HOXC10: variants seen among roughly 807,000 people sequenced by gnomAD.
The protein encoded by HOXC10 is homeobox C10, also known as homeobox protein Hox-C10.
A neutral mutation model predicts 26.0 loss-of-function variants in HOXC10; 15 were observed. The observed-to-expected ratio is 0.58, with a 90% CI of 0.39 to 0.89. The LOEUF is 0.89. Ranked by LOEUF, HOXC10 falls within the 40% of genes least tolerant of loss-of-function variation. The pLI is 0.00. For missense variants in HOXC10, 446 were observed against 451.9 expected (o/e 0.99, Z 0.12); for synonymous variants, 196 against 185.5 (o/e 1.06, Z -0.46).
chr12:53,985,929 A>G lies in HOXC10; in HGVS notation c.670A>G (p.Lys224Glu). The change falls in exon 1 of 2, where the codon AAA (lysine) becomes GAA (glutamate). Residue 224 changes from lysine to glutamate, a missense_variant. Lys to Glu is a moderately conservative substitution (Grantham distance 56). Coordinates refer to ENST00000303460, the MANE Select transcript of HOXC10 (RefSeq NM_017409.4). ...GACGGAGCAGAGCCTGGCGGGCCCT[A>G]AAGGGAGCCCCTCGGAGAGCGAAAA... ...IKTEQSLAGP[K>E]GSPSESEKER... 1.2e-6 allele frequency: 2 copies of G among 1,613,450 alleles called. No homozygotes were observed. The highest frequency in any genetic ancestry group is 2.7e-5 in the African/African-American group (2 of 75,028).
At position 53,985,246 on chromosome 12, in the gene HOXC10, C is replaced by A. The variant is rs769386459; in HGVS notation, c.-14C>A. 6.6e-7 allele frequency: 1 copy of A among 1,521,264 alleles called. No homozygotes were observed. The highest frequency in any genetic ancestry group is 8.8e-7 in the Non-Finnish European group (1 of 1,134,548). 94.2% of individuals were successfully genotyped at this position (1,521,264 alleles called of 1,614,324 possible). A position where few individuals can be genotyped will look rare whatever the true frequency, so the allele number is the denominator to read the frequency against. Reference sequence around the variant, plus strand: ...CGCTGTAGTATTGCTCCTTAAAAACCCCTCTCTCTGAAAATGACATGCCCT... The same window carrying A: ...CGCTGTAGTATTGCTCCTTAAAAACACCTCTCTCTGAAAATGACATGCCCT... On this transcript the variant is annotated 5_prime_UTR_variant, in exon 1 of 2. Coordinates refer to ENST00000303460, the MANE Select transcript of HOXC10 (RefSeq NM_017409.4).
Position 53,985,785 on chromosome 12 carries a change from C to G in HOXC10, c.526C>G (p.Gln176Glu). The G allele has an allele frequency of 1.2e-6, 2 of 1,613,750 alleles. No homozygotes were observed. The highest frequency in any genetic ancestry group is 1.7e-6 in the Non-Finnish European group (2 of 1,180,004). Reference sequence around the variant, plus strand: ...CAACGACTTCGAAGCCCCTTTCGAGCAGCGGGCCAGTCTCAACCCGCGCGC... The same window carrying G: ...CAACGACTTCGAAGCCCCTTTCGAGGAGCGGGCCAGTCTCAACCCGCGCGC... The part of the protein sequence containing the change: ...GANDFEAPFE[Q>E]RASLNPRAEH... Residue 176 changes from glutamine to glutamate, a missense_variant, in exon 1 of 2, where the codon CAG (glutamine) becomes GAG (glutamate). Transcript: ENST00000303460.
intron 1 of HOXC10, among the ~76,000 whole-genome samples, chr12:53,987,188 G>A: frequency 6.6e-6 from 1 of 152,210 alleles, no homozygotes; most frequent in Non-Finnish European, 1.5e-5. Flanking sequence ...GGATCTCCTG[G>A]TGCTTTGTAT....
rs1184740699 is a variant in HOXC10, at chr12:53,985,900, T to C, written c.641T>C (p.Ile214Thr). ...AGCCAGACCCCCAGCCCCAATGAAA[T>C]CAAGACGGAGCAGAGCCTGGCGGGC... ...SDSQTPSPNE[I>T]KTEQSLAGPK... Residue 214 changes from isoleucine (I) to threonine (T), a missense_variant, in exon 1 of 2, where the codon ATC becomes ACC. By Grantham distance (89) the Ile-to-Thr change is moderately conservative (BLOSUM62 -1). Coordinates refer to ENST00000303460, the MANE Select transcript of HOXC10 (RefSeq NM_017409.4). The C allele has an allele frequency of 6.2e-7, 1 of 1,613,588 alleles. No homozygotes were observed. The highest frequency in any genetic ancestry group is 8.5e-7 in the Non-Finnish European group (1 of 1,179,952).
intron 1 of HOXC10, chr12:53,986,227 C>G (rs990807597): frequency 3.5e-5 from 19 of 550,168 alleles, no homozygotes; most frequent in South Asian, 1.8e-4. Flanking sequence ...GGCCCTGCCC[C>G]GGCCATGGGT....
chr12:53,987,491 T>G (rs1939456635), intron 1 of HOXC10, among the ~76,000 whole-genome samples: 1 of 152,204 alleles, frequency 6.6e-6, no homozygotes. Context: ...TGTGAAGGTT[T>G]AATCTTATAC....
intron 1 of HOXC10, among the ~76,000 whole-genome samples, chr12:53,988,947 A>G (rs1484229814): frequency 1.3e-5 from 2 of 152,170 alleles, no homozygotes; most frequent in African/African-American, 4.8e-5. Context: ...AATTTAATAA[A>G]TGCTTGGAGG....
chr12:53,989,212 A>G lies in HOXC10; in HGVS notation c.795A>G (p.Ala265=), dbSNP rs1592202201. The G allele has an allele frequency of 6.2e-7, 1 of 1,611,094 alleles. No homozygotes were observed. Among genetic ancestry groups the G allele is most frequent in the Non-Finnish European group, 8.5e-7 (1 of 1,179,028 alleles). ...ACACCACAGGAAATTGGCTGACAGC[A>G]AAGAGCGGAAGGAAGAAGAGGTGCC... The part of the protein sequence containing the change: ...AENTTGNWLT[A]KSGRKKRCPY... Residue 265 remains alanine, a synonymous_variant, in exon 2 of 2, where the codon GCA becomes GCG. Transcript: ENST00000303460.
At chr12:53,987,546 A>G (rs1939457378) in intron 1 of HOXC10, among the ~76,000 whole-genome samples, 1 of 152,216 alleles carries the variant, frequency 6.6e-6, no homozygotes, top group Non-Finnish European at 1.5e-5. Flanking sequence ...GATTTGGGGC[A>G]GGAAAACCTG....
At chr12:53,988,015 G>A (rs930845102) in intron 1 of HOXC10, among the ~76,000 whole-genome samples, 6 of 151,700 alleles carry the variant, frequency 4.0e-5, no homozygotes, top group East Asian at 1.9e-4. Flanking sequence ...GCCTCACCCC[G>A]CCCCCAACAA....
rs1939422097 is a variant in HOXC10 at position 53,985,744 on chromosome 12, C to T, written c.485C>T (p.Pro162Leu). 2.5e-6 allele frequency: 4 copies of T among 1,612,954 alleles called. No homozygotes were observed. Among genetic ancestry groups the T allele is most frequent in the South Asian group, 2.2e-5 (2 of 91,066 alleles). ...SPSYSALDKT[P>L]HCSGANDFEA... ...AGCTACTCCGCGCTGGACAAGACGC[C>T]CCACTGTTCTGGGGCCAACGACTTC... The change falls in exon 1 of 2, where the codon CCC becomes CTC. Residue 162 changes from proline (P) to leucine (L), a missense_variant. Transcript: ENST00000303460.
chr12:53,985,185 C>A lies in HOXC10; in HGVS notation c.-75C>A, dbSNP rs371779186. On this transcript the variant is annotated 5_prime_UTR_variant, in exon 1 of 2. Transcript: ENST00000303460. ...TCCCTCCCCTCCAACCGCGCCCCCC[C>A]TCCCGGATGGGGAAAAAAAAAGATG... 6 of 1,371,198 alleles carry A rather than the reference C, an allele frequency of 4.4e-6. No individual in the cohort carries two copies. The Admixed American group carries it at 1.1e-4, about 25-fold the overall frequency. The allele number at this position is 1,371,198 out of a possible 1,614,324, so 84.9% of individuals were successfully genotyped here.
chr12:53,986,247 G>C (rs895460528), intron 1 of HOXC10: 3 of 475,212 alleles, frequency 6.3e-6, no homozygotes, highest in Non-Finnish European at 1.1e-5. Flanking sequence ...TGCTAAGGCG[G>C]GGGCGGTGCG....
rs1442306685 is a variant in HOXC10, at chr12:53,985,677, G to C, written c.418G>C (p.Glu140Gln). ...CCCCTTGCCGGAGTCCTGCCTTGGG[G>C]AGCACGAGGTACCCGTGCCCAGCTA... ...SHPLPESCLG[E>Q]HEVPVPSYYR... The change falls in exon 1 of 2, where the codon GAG becomes CAG. Residue 140 changes from glutamate to glutamine, a missense_variant. Glu to Gln is a conservative substitution (Grantham distance 29, BLOSUM62 2). Transcript: ENST00000303460. 1.2e-6 allele frequency: 2 copies of C among 1,611,768 alleles called. No individual in the cohort carries two copies. Among genetic ancestry groups the C allele is most frequent in the Admixed American group, 3.3e-5 (2 of 59,986 alleles).
chr12:53,986,103 G>T, intron 1 of HOXC10, 93 bp downstream of exon 1: 18 of 1,335,824 alleles, frequency 1.3e-5, no homozygotes, highest in Non-Finnish European at 1.7e-5. Flanking sequence ...TTGGGCCCAG[G>T]AGGCCCCAGA....
Position 53,989,181 on chromosome 12 carries a change from C to G in HOXC10, c.764C>G (p.Ala255Gly), listed in dbSNP as rs1159177477. Residue 255 changes from alanine (A) to glycine (G), a missense_variant, in exon 2 of 2, where the codon GCA becomes GGA. By Grantham distance (60) the Ala-to-Gly change is moderately conservative. Transcript: ENST00000303460. ...TTATTTTTAACAGAGGAGATAAAGG[C>G]AGAAAACACCACAGGAAATTGGCTG... ...SDNEAKEEIK[A>G]ENTTGNWLTA... 1.2e-6 allele frequency: 2 copies of G among 1,603,628 alleles called. No homozygotes were observed. Among genetic ancestry groups the G allele is most frequent in the Admixed American group, 1.7e-5 (1 of 57,836 alleles).
At position 53,985,401 on chromosome 12, in the gene HOXC10, G is replaced by A. The variant is rs766371008; in HGVS notation, c.142G>A (p.Gly48Arg). 22 of 1,613,378 alleles carry A rather than the reference G, an allele frequency of 1.4e-5. No individual in the cohort carries two copies. The African/African-American group carries it at 2.8e-4, about 21-fold the overall frequency. The change falls in exon 1 of 2, where the codon GGG becomes AGG. Residue 48 changes from glycine (G) to arginine (R), a missense_variant. Gly to Arg is a moderately radical substitution (Grantham distance 125). Transcript: ENST00000303460. ...DFNCGVMRGC[G>R]LAPSLSKRDE... is the part of the protein sequence containing the mutation. ...CAATTGCGGGGTGATGAGGGGCTGC[G>A]GGCTCGCGCCCTCGCTCTCCAAGAG...
chr12:53,989,682 A>C lies in HOXC10; in HGVS notation c.*236A>C, dbSNP rs1350840259. ...TGGGGTGTGGTGTGTGCCCTCATAG[A>C]TGGGGGTGGGAGTGTGGCTGGTGTG... On this transcript the variant is annotated 3_prime_UTR_variant, in exon 2 of 2. Coordinates refer to ENST00000303460, the MANE Select transcript of HOXC10 (RefSeq NM_017409.4). 3.6e-6 allele frequency: 2 copies of C among 550,156 alleles called. No homozygotes were observed. The highest frequency in any genetic ancestry group is 6.1e-5 in the East Asian group (2 of 32,700). 34.1% of individuals were successfully genotyped at this position (550,156 alleles called of 1,614,324 possible). A position where few individuals can be genotyped will look rare whatever the true frequency, so the allele number is the denominator to read the frequency against.
intron 1 of HOXC10, chr12:53,986,613 G>A (rs1939441084): frequency 6.6e-6 from 1 of 152,344 alleles, no homozygotes; most frequent in Non-Finnish European, 1.5e-5. Context: ...TGGAGGTGAA[G>A]GGCTGCCCGC....
Sources: gnomAD v4.1 joint callset for allele counts (sites outside exome capture counted in the v4.1 genomes callset) on GRCh38, gnomAD v4.1.1 for gene constraint, MANE v1.5 for transcripts, NCBI Gene and HGNC (gene_info 2026-07-23, HGNC 2026-07-21) for gene names.